Variants in SLC8A1 observed in about 807,000 individuals in gnomAD.
SLC8A1 encodes the protein solute carrier family 8 member A1, also known as sodium/calcium exchanger 1.
Under a neutral mutation model 68.3 loss-of-function variants are expected in SLC8A1, and 18 were observed. That is an observed-to-expected ratio of 0.26 (90% CI 0.18 to 0.39). SLC8A1 has a LOEUF of 0.39. Ranked by LOEUF, SLC8A1 falls within the 10% of genes least tolerant of loss-of-function variation. The pLI is 1.00. For synonymous variants in SLC8A1, 475 were observed against 415.5 expected, an observed-to-expected ratio of 1.14 and a Z score of -1.74; for missense variants, 985 against 1,156.7, an observed-to-expected ratio of 0.85 and a Z score of 2.15.
intron 2 of SLC8A1, among the ~76,000 whole-genome samples, chr2:40,315,093 TTTCA>T (rs1359075886): frequency 6.6e-6 from 1 of 152,030 alleles, no homozygotes; most frequent in Admixed American, 6.6e-5. Context: ...GCATTCAGTC[TTTCA>T]TTGTTAAGTA....
chr2:40,319,319 T>A (rs1363942051), intron 2 of SLC8A1, among the ~76,000 whole-genome samples: 2 of 152,124 alleles, frequency 1.3e-5, no homozygotes, highest in African/African-American at 4.8e-5. Flanking sequence ...TTAATTTTGC[T>A]TTCTTTCACT....
chr2:40,412,896 T>C lies in SLC8A1; in HGVS notation c.1808+15577A>G, dbSNP rs1319989664. 4.6e-5 allele frequency among the ~76,000 whole-genome samples: 7 copies of C among 152,334 alleles called. No individual in the cohort carries two copies. In the East Asian group the frequency reaches 9.6e-4, roughly 21 times the overall value. On this transcript the variant is annotated intron_variant, in intron 2 of 7. Coordinates refer to ENST00000406785, the Ensembl canonical transcript of SLC8A1. ...GTAATCTAGGTATTTTTTCTGGTTA[T>C]CATTGCTGATTTTTTTTTATTATAC...
intron 2 of SLC8A1, among the ~76,000 whole-genome samples, chr2:40,410,941 G>A (rs1391651207): frequency 6.6e-6 from 1 of 151,970 alleles, no homozygotes; most frequent in Non-Finnish European, 1.5e-5. Flanking sequence ...TTCAAAATGG[G>A]ATTTTTTGAC....
intron 2 of SLC8A1, among the ~76,000 whole-genome samples, chr2:40,258,746 G>T (rs760729516): frequency 6.6e-6 from 1 of 151,964 alleles, no homozygotes; most frequent in Non-Finnish European, 1.5e-5. Context: ...AAAGGATGAC[G>T]CAGGAGAATC....
chr2:40,374,822 A>C (rs969592387), intron 2 of SLC8A1, among the ~76,000 whole-genome samples: 2 of 152,094 alleles, frequency 1.3e-5, no homozygotes, highest in Non-Finnish European at 2.9e-5. Context: ...GTGAATGACC[A>C]AAGATGACAT....
At chr2:40,449,161 CAAA>C (rs1176796695) in intron 1 of SLC8A1, among the ~76,000 whole-genome samples, 3 of 137,142 alleles carry the variant, frequency 2.2e-5, no homozygotes, top group Non-Finnish European at 4.7e-5. Context: ...AAAAAAAAAA[CAAA>C]AAACAAAAAA....
At chr2:40,458,916 G>A (rs904068160) in intron 1 of SLC8A1, among the ~76,000 whole-genome samples, 3 of 152,038 alleles carry the variant, frequency 2.0e-5, no homozygotes, top group African/African-American at 7.2e-5. Context: ...TCAATCGTTG[G>A]TCATCAAGCA....
intron 1 of SLC8A1, among the ~76,000 whole-genome samples, chr2:40,484,569 C>T (rs1212928563): frequency 2.0e-5 from 3 of 152,086 alleles, no homozygotes; most frequent in South Asian, 4.1e-4. Flanking sequence ...GAATCTAACG[C>T]GAGGGGCTTT....
chr2:40,147,118 C>T (rs778813201), intron 6 of SLC8A1, among the ~76,000 whole-genome samples: 3 of 152,124 alleles, frequency 2.0e-5, no homozygotes, highest in Non-Finnish European at 4.4e-5. Flanking sequence ...AATGTAGCCA[C>T]TGTCCAAATG....
intron 4 of SLC8A1, among the ~76,000 whole-genome samples, chr2:40,169,226 T>C (rs1293844517): frequency 3.9e-5 from 6 of 152,148 alleles, no homozygotes; most frequent in East Asian, 3.9e-4. Context: ...GGGGACACTG[T>C]TGAGAGTCTT....
At chr2:40,245,614 A>T (rs2061765146) in intron 2 of SLC8A1, among the ~76,000 whole-genome samples, 1 of 152,192 alleles carries the variant, frequency 6.6e-6, no homozygotes, top group Non-Finnish European at 1.5e-5. Flanking sequence ...GAATTTAGCA[A>T]AATCAGGCCA....
chr2:40,143,537 C>G (rs765042867), intron 6 of SLC8A1, among the ~76,000 whole-genome samples: 1 of 152,124 alleles, frequency 6.6e-6, no homozygotes, highest in African/African-American at 2.4e-5. Context: ...GGAAAATAAC[C>G]TGTATTTGAT....
At chr2:40,420,152 C>A (rs137933990) in intron 2 of SLC8A1, among the ~76,000 whole-genome samples, 2 of 151,994 alleles carry the variant, frequency 1.3e-5, no homozygotes, top group Non-Finnish European at 2.9e-5. Context: ...CTATGTGCTG[C>A]GGAGGTTGGA....
intron 3 of SLC8A1, chr2:40,176,101 T>A (rs2048427923): frequency 3.9e-6 from 1 of 258,062 alleles, no homozygotes. Flanking sequence ...TAGCACTTTA[T>A]TTTAGTAAAA....
At chr2:40,108,902 TA>T (rs34848478) in exon 8 of SLC8A1, 1 of 152,128 alleles carries the variant, frequency 6.6e-6, no homozygotes, top group Non-Finnish European at 1.5e-5. Flanking sequence ...GGGGTCTAAT[TA>T]AAAAGTTGTG....
At chr2:40,180,060 T>C (rs893687912) in intron 2 of SLC8A1, among the ~76,000 whole-genome samples, 16 of 152,138 alleles carry the variant, frequency 1.1e-4, no homozygotes, top group African/African-American at 3.6e-4. Context: ...TGTCCTCAAA[T>C]ACTGAAATAT....
At chr2:40,261,966 CTT>C (rs35330106) in intron 2 of SLC8A1, among the ~76,000 whole-genome samples, 10 of 142,038 alleles carry the variant, frequency 7.0e-5, no homozygotes, top group Admixed American at 1.4e-4. Flanking sequence ...TGTCTTTTCA[CTT>C]TTTTTTTTTT....
intron 2 of SLC8A1, among the ~76,000 whole-genome samples, chr2:40,318,873 C>G (rs189079854): frequency 1.3e-5 from 2 of 151,856 alleles, no homozygotes; most frequent in Non-Finnish European, 2.9e-5. Flanking sequence ...TCTTTTTTTT[C>G]CCTCAACTTT....
intron 2 of SLC8A1, among the ~76,000 whole-genome samples, chr2:40,189,567 G>A (rs541373572): frequency 5.1e-4 from 78 of 152,158 alleles, no homozygotes; most frequent in Non-Finnish European, 9.9e-4. Context: ...ACCCACCCCA[G>A]CCTCCCAAAG....
Sources: gnomAD v4.1 joint callset for allele counts (sites outside exome capture counted in the v4.1 genomes callset) on GRCh38, gnomAD v4.1.1 for gene constraint, MANE v1.5 for transcripts, NCBI Gene and HGNC (gene_info 2026-07-23, HGNC 2026-07-21) for gene names.